SLMAP: variants seen among roughly 807,000 people sequenced by gnomAD.
The protein encoded by SLMAP is sarcolemma associated protein.
A neutral mutation model predicts 128.8 loss-of-function variants in SLMAP; 44 were observed. The ratio of observed to expected loss-of-function variants is 0.34; its 90% CI spans 0.27 to 0.44. The LOEUF (loss-of-function observed/expected upper bound fraction) is 0.44. SLMAP is among the 20% of genes least tolerant of loss of function. The pLI is 1.00. For missense variants in SLMAP, 787 were observed against 985.3 expected (o/e 0.80, Z 2.69); for synonymous variants, 327 against 348.8 (o/e 0.94, Z 0.70).
At chr3:57,764,222 C>A (rs186711058) in intron 2 of SLMAP, among the ~76,000 whole-genome samples, 1 of 151,960 alleles carries the variant, frequency 6.6e-6, no homozygotes, top group African/African-American at 2.4e-5. Context: ...AAAGAGTGGG[C>A]CGGGTGCGGT....
chr3:57,888,478 G>C (rs1372888702), intron 14 of SLMAP, among the ~76,000 whole-genome samples: 2 of 152,036 alleles, frequency 1.3e-5, no homozygotes, highest in Non-Finnish European at 2.9e-5. Flanking sequence ...TTAGCTGGGT[G>C]TGGTGGTGCG....
chr3:57,853,754 G>A (rs1403788419), intron 6 of SLMAP, among the ~76,000 whole-genome samples: 4 of 150,054 alleles, frequency 2.7e-5, no homozygotes, highest in African/African-American at 9.8e-5. Context: ...CAGCCTGACC[G>A]ACATGGAGAA....
chr3:57,843,219 GCTGA>G (rs1295327185), intron 4 of SLMAP, among the ~76,000 whole-genome samples: 2 of 150,834 alleles, frequency 1.3e-5, no homozygotes, highest in Non-Finnish European at 2.9e-5. Context: ...TACTCAACAA[GCTGA>G]CTTTTTTCCT....
At chr3:57,912,311 T>C (rs891739653) in intron 19 of SLMAP, 70 bp from the exon 20 acceptor site, 24 of 1,340,182 alleles carry the variant, frequency 1.8e-5, no homozygotes, top group Admixed American at 5.6e-5. Flanking sequence ...GGTTATGCAT[T>C]AGCTACAATC....
chr3:57,885,641 A>G (rs2095861904), intron 14 of SLMAP, among the ~76,000 whole-genome samples: 1 of 140,688 alleles, frequency 7.1e-6, no homozygotes, highest in Non-Finnish European at 1.5e-5. Flanking sequence ...CTGGTCTCAA[A>G]CTCCCGACCT....
At chr3:57,876,355 A>G (rs773786964) in intron 14 of SLMAP, among the ~76,000 whole-genome samples, 6 of 152,244 alleles carry the variant, frequency 3.9e-5, no homozygotes, top group Non-Finnish European at 8.8e-5. Flanking sequence ...CTTTTTAAAG[A>G]AAAACTTCTC....
At chr3:57,887,383 C>T (rs979322588) in intron 14 of SLMAP, among the ~76,000 whole-genome samples, 2 of 152,020 alleles carry the variant, frequency 1.3e-5, no homozygotes, top group African/African-American at 2.4e-5. Context: ...ACATGCGCCA[C>T]CACATCCAGC....
In SLMAP at chr3:57,896,853, T is replaced by TA. The variant is rs760889246; in HGVS notation, c.1442-19dup. ...TGAATACTGTCTGTAATTATATATG[T>TA]ATTTTTTTCCTCTCTGTAGACGCCC... On this transcript the variant is annotated intron_variant, in intron 16 of 24. Transcript: ENST00000671191. 1 of 1,584,504 alleles carries TA rather than the reference T, an allele frequency of 6.3e-7. No individual in the cohort carries two copies. Among genetic ancestry groups the TA allele is most frequent in the South Asian group, 1.2e-5 (1 of 84,568 alleles).
rs2097027948 is a variant in SLMAP, at chr3:57,927,312, T to G, written c.*23T>G. On this transcript the variant is annotated 3_prime_UTR_variant, in exon 25 of 25. Coordinates refer to ENST00000671191, the MANE Select transcript of SLMAP (RefSeq NM_001377540.1). ...TCCACACAGAAACCCTGGCCCTGGA[T>G]GCCCATGTTGGCTGCCCTGGTTGCA... is the stretch of plus-strand genomic sequence containing the variant. 1 of 1,606,548 alleles carries G rather than the reference T, an allele frequency of 6.2e-7. No individual in the cohort carries two copies. Among genetic ancestry groups the G allele is most frequent in the Admixed American group, 1.7e-5 (1 of 59,724 alleles).
At chr3:57,821,729 C>G (rs2092536586) in intron 2 of SLMAP, among the ~76,000 whole-genome samples, 1 of 152,122 alleles carries the variant, frequency 6.6e-6, no homozygotes, top group East Asian at 1.9e-4. Context: ...ATTAATCTCC[C>G]TAAAACAATA....
intron 2 of SLMAP, among the ~76,000 whole-genome samples, chr3:57,785,471 A>T (rs2083899242): frequency 6.6e-6 from 1 of 152,180 alleles, no homozygotes; most frequent in Admixed American, 6.5e-5. Flanking sequence ...GAGGTTATAA[A>T]GTTTGTGCCC....
intron 14 of SLMAP, among the ~76,000 whole-genome samples, chr3:57,873,658 A>G (rs1029602204): frequency 3.9e-5 from 6 of 152,178 alleles, no homozygotes; most frequent in Admixed American, 1.3e-4. Context: ...ACTGATACCA[A>G]CTAAAAGAAT....
At chr3:57,787,464 C>T (rs1419037647) in intron 2 of SLMAP, among the ~76,000 whole-genome samples, 1 of 152,072 alleles carries the variant, frequency 6.6e-6, no homozygotes, top group Non-Finnish European at 1.5e-5. Flanking sequence ...AATTATGTAG[C>T]ATTTGCTTAT....
At chr3:57,864,415 A>G (rs919127276) in intron 10 of SLMAP, 133 bp from the exon 11 acceptor site, 2 of 588,816 alleles carry the variant, frequency 3.4e-6, no homozygotes, top group African/African-American at 1.9e-5. Context: ...GTTTACAGAT[A>G]ATGTTCTGTA....
chr3:57,829,189 A>G (rs1018970409), intron 2 of SLMAP, among the ~76,000 whole-genome samples: 6 of 152,172 alleles, frequency 3.9e-5, no homozygotes, highest in Non-Finnish European at 8.8e-5. Context: ...TTGTATATAT[A>G]TGTACATATA....
At chr3:57,778,457 CTATTATTTTT>C (rs573181450) in intron 2 of SLMAP, among the ~76,000 whole-genome samples, 91 of 141,328 alleles carry the variant, frequency 6.4e-4, no homozygotes, top group African/African-American at 2.2e-3. Context: ...AGATTTTTTT[CTATTATTTTT>C]CTATTTTCTA....
chr3:57,764,932 A>G (rs2079377737), intron 2 of SLMAP, among the ~76,000 whole-genome samples: 1 of 152,252 alleles, frequency 6.6e-6, no homozygotes, highest in Non-Finnish European at 1.5e-5. Flanking sequence ...TATTAAATTA[A>G]CTTGCACATT....
intron 2 of SLMAP, among the ~76,000 whole-genome samples, chr3:57,779,920 C>T (rs1007448900): frequency 2.0e-5 from 3 of 151,942 alleles, no homozygotes. Context: ...CTCAAGCTGG[C>T]AGTTGGGTAC....
At chr3:57,769,723 A>G (rs1243492236) in intron 2 of SLMAP, among the ~76,000 whole-genome samples, 1 of 152,224 alleles carries the variant, frequency 6.6e-6, no homozygotes, top group Non-Finnish European at 1.5e-5. Flanking sequence ...TAGGATTAAC[A>G]GAGCAACTTT....
Sources: gnomAD v4.1 joint callset for allele counts (sites outside exome capture counted in the v4.1 genomes callset) on GRCh38, gnomAD v4.1.1 for gene constraint, MANE v1.5 for transcripts, NCBI Gene and HGNC (gene_info 2026-07-23, HGNC 2026-07-21) for gene names.